The following STAM2 variants were observed in gnomAD, a reference collection of about 807,000 sequenced individuals.
STAM2 encodes the protein signal transducing adaptor molecule 2.
In STAM2, 51 loss-of-function variants were observed where a neutral mutation model predicts 65.6. The ratio of observed to expected loss-of-function variants is 0.78; its 90% confidence interval spans 0.62 to 0.98. STAM2 has a LOEUF of 0.98. Ranked by LOEUF, STAM2 falls within the 50% of genes least tolerant of loss-of-function variation. The pLI, the probability that STAM2 is intolerant of heterozygous loss-of-function variation, is 0.00. For missense variants in STAM2, 584 were observed against 617.8 expected (o/e 0.95, Z 0.58); for synonymous variants, 198 against 208.4 (o/e 0.95, Z 0.43).
At chr2:152,134,595 T>C (rs780450668) in intron 8 of STAM2, among the ~76,000 whole-genome samples, 12 of 152,302 alleles carry the variant, frequency 7.9e-5, no homozygotes, top group African/African-American at 1.2e-4. Flanking sequence ...AGCACTGATA[T>C]ATCCCTCAGT....
chr2:152,167,754 T>A (rs190888788), intron 1 of STAM2, among the ~76,000 whole-genome samples: 10 of 151,214 alleles, frequency 6.6e-5, no homozygotes, highest in South Asian at 2.1e-4. Context: ...AAATAAATAA[T>A]TAAAAATTAG....
At chr2:152,135,349 C>G (rs1453016706) in intron 8 of STAM2, among the ~76,000 whole-genome samples, 160 bp downstream of exon 8, 1 of 152,128 alleles carries the variant, frequency 6.6e-6, no homozygotes, top group Admixed American at 6.5e-5. Context: ...GCTAAATTAA[C>G]CCCTTAATTT....
At position 152,119,141 on chromosome 2, in the gene STAM2, T is replaced by C. The variant is rs568135375; in HGVS notation, c.*1433A>G. 3.5e-4 allele frequency: 53 copies of C among 152,342 alleles called. No homozygotes were observed. Among genetic ancestry groups the C allele is most frequent in the African/African-American group, 1.2e-3 (51 of 41,588 alleles). The allele number at this position is 152,342 out of a possible 1,614,324, so 9.4% of individuals were successfully genotyped here. Reference sequence around the variant, plus strand: ...GTAACTTTTTAAAAACTAATGTCCATTGTTTTTCCCAATCTGAATATGTTT... The same window carrying C: ...GTAACTTTTTAAAAACTAATGTCCACTGTTTTTCCCAATCTGAATATGTTT... On this transcript the variant is annotated 3_prime_UTR_variant, in exon 14 of 14. Coordinates refer to ENST00000263904, the MANE Select transcript of STAM2 (RefSeq NM_005843.6).
In STAM2 at chr2:152,139,096, T is replaced by C. The variant is rs562479957; in HGVS notation, c.705-3493A>G. 9.0e-4 allele frequency among the ~76,000 whole-genome samples: 137 copies of C among 152,302 alleles called. 1 individual carries two copies. Among genetic ancestry groups the C allele is most frequent in the African/African-American group, 3.1e-3 (127 of 41,566 alleles). On this transcript the variant is annotated intron_variant, in intron 7 of 13. Transcript: ENST00000263904. ...GACTACAAGTTGATTCTATGGAATG[T>C]TGATAGCAAAAAAACATTGTTCAAG...
chr2:152,127,139 C>G (rs1351303165), intron 11 of STAM2, among the ~76,000 whole-genome samples: 1 of 152,204 alleles, frequency 6.6e-6, no homozygotes, highest in Non-Finnish European at 1.5e-5. Context: ...CACTCCCACA[C>G]TGTGGGGTGT....
At chr2:152,132,298 A>G (rs1247435883) in intron 10 of STAM2, 130 bp from the exon 11 acceptor site, 2 of 594,694 alleles carry the variant, frequency 3.4e-6, no homozygotes, top group Non-Finnish European at 5.7e-6. Flanking sequence ...CATGCTAGAG[A>G]AAGACTACTA....
chr2:152,137,730 TTTA>T (rs1218419374), intron 7 of STAM2, among the ~76,000 whole-genome samples: 1 of 152,042 alleles, frequency 6.6e-6, no homozygotes, highest in Non-Finnish European at 1.5e-5. Flanking sequence ...TTTTAGTTTT[TTTA>T]TTTTTTTTTT....
chr2:152,128,473 T>C (rs1004793467), intron 11 of STAM2, among the ~76,000 whole-genome samples: 3 of 150,940 alleles, frequency 2.0e-5, no homozygotes, highest in African/African-American at 4.9e-5. Context: ...ATTAGTGCCA[T>C]GCTAACAAAT....
At chr2:152,167,398 A>G (rs937182916) in intron 1 of STAM2, among the ~76,000 whole-genome samples, 2 of 152,234 alleles carry the variant, frequency 1.3e-5, no homozygotes, top group Admixed American at 1.3e-4. Context: ...AACACTTACT[A>G]CACCAAAAAA....
chr2:152,153,974 A>T (rs1689495882), intron 1 of STAM2, among the ~76,000 whole-genome samples: 1 of 152,164 alleles, frequency 6.6e-6, no homozygotes, highest in African/African-American at 2.4e-5. Context: ...AGGTGTATAA[A>T]GGCAGCACCC....
chr2:152,160,710 C>G (rs569597077), intron 1 of STAM2, among the ~76,000 whole-genome samples: 360 of 149,234 alleles, frequency 2.4e-3, no homozygotes, highest in African/African-American at 8.5e-3. Context: ...GGGGGTCAGC[C>G]CCCCGCCTGG....
chr2:152,140,251 G>A (rs147391140), intron 7 of STAM2, among the ~76,000 whole-genome samples: 1 of 152,162 alleles, frequency 6.6e-6, no homozygotes, highest in East Asian at 1.9e-4. Context: ...CTTGCCAGGA[G>A]GAAAAGAAAA....
At chr2:152,152,976 T>A (rs1022058926) in intron 1 of STAM2, among the ~76,000 whole-genome samples, 2 of 152,346 alleles carry the variant, frequency 1.3e-5, no homozygotes, top group Non-Finnish European at 2.9e-5. Context: ...ATTTTCAATA[T>A]CTTTTTTTGT....
chr2:152,119,778 G>A lies in STAM2; in HGVS notation c.*796C>T, dbSNP rs1313071033. On this transcript the variant is annotated 3_prime_UTR_variant, in exon 14 of 14. Transcript: ENST00000263904. ...TTTCCTCAGGGAATGGAAATGTTTT[G>A]TGGGACATTCCTTCACAGTTGGCAT... The A allele has an allele frequency of 6.6e-6, 1 of 152,194 alleles. No individual in the cohort carries two copies. Among genetic ancestry groups the A allele is most frequent in the African/African-American group, 2.4e-5 (1 of 41,442 alleles). 9.4% of individuals were successfully genotyped at this position (152,194 alleles called of 1,614,324 possible). A position where few individuals can be genotyped will look rare whatever the true frequency, so the allele number is the denominator to read the frequency against.
intron 7 of STAM2, among the ~76,000 whole-genome samples, chr2:152,143,546 C>T (rs186646162): frequency 6.6e-6 from 1 of 152,304 alleles, no homozygotes; most frequent in Admixed American, 6.5e-5. Flanking sequence ...TAAACATATT[C>T]AAGTAACTGA....
At chr2:152,151,276 G>A (rs1024330887) in intron 1 of STAM2, among the ~76,000 whole-genome samples, 5 of 151,026 alleles carry the variant, frequency 3.3e-5, no homozygotes, top group African/African-American at 1.2e-4. Flanking sequence ...CCACCTCCCA[G>A]GTTCAAGCAA....
At chr2:152,151,721 A>G (rs1324253129) in intron 1 of STAM2, among the ~76,000 whole-genome samples, 2 of 152,104 alleles carry the variant, frequency 1.3e-5, no homozygotes, top group Non-Finnish European at 2.9e-5. Flanking sequence ...TCTGTCTCCA[A>G]AGATTTACCT....
chr2:152,142,302 A>C (rs1220734166), intron 7 of STAM2, among the ~76,000 whole-genome samples: 1 of 152,218 alleles, frequency 6.6e-6, no homozygotes, highest in Non-Finnish European at 1.5e-5. Context: ...TTATTTTAGA[A>C]AATTTTGTTA....
intron 1 of STAM2, among the ~76,000 whole-genome samples, chr2:152,164,824 A>G (rs927758408): frequency 5.9e-5 from 9 of 152,084 alleles, no homozygotes; most frequent in Admixed American, 4.6e-4. Context: ...AAGAAGGGGG[A>G]AAAACACATA....
Sources: allele counts gnomAD v4.1 joint callset (sites outside exome capture counted in the v4.1 genomes callset), GRCh38; gene constraint gnomAD v4.1.1; transcripts MANE v1.5; gene names NCBI Gene and HGNC (gene_info 2026-07-23, HGNC 2026-07-21).